Variants in CLMN observed in about 807,000 individuals in gnomAD.
The protein encoded by CLMN is calmin (calponin-like, transmembrane).
In CLMN, 57 loss-of-function variants were observed where a neutral mutation model predicts 92.7. The observed-to-expected ratio is 0.61, with a 90% CI of 0.50 to 0.77. The LOEUF is 0.77. CLMN is among the 30% of genes least tolerant of loss of function. The pLI, the probability that CLMN is intolerant of heterozygous loss-of-function variation, is 0.00. For synonymous variants in CLMN, 466 were observed against 470.6 expected, an observed-to-expected ratio of 0.99 and a Z score of 0.13; for missense variants, 1,158 against 1,237.5, an observed-to-expected ratio of 0.94 and a Z score of 0.96.
Position 95,203,342 on chromosome 14 carries a change from A to ATGAGGACGGGTGGACTTTCTCTTGGCC in CLMN, c.1980_2006dup (p.Pro668_His669insGlnAlaLysArgLysSerThrArgPro). The ATGAGGACGGGTGGACTTTCTCTTGGCC allele has an allele frequency of 1.2e-6, 2 of 1,613,986 alleles. No individual in the cohort carries two copies. Among genetic ancestry groups the ATGAGGACGGGTGGACTTTCTCTTGGCC allele is most frequent in the Non-Finnish European group, 1.7e-6 (2 of 1,179,994 alleles). ...CATCGTCTTCTCCCTCTTCCTCATA[A>ATGAGGACGGGTGGACTTTCTCTTGGCC]TGAGGACGGGTGGACTTTCTCTTGG... On this transcript the variant is annotated inframe_insertion, in exon 9 of 13. Coordinates refer to ENST00000298912, the MANE Select transcript of CLMN (RefSeq NM_024734.4).
rs542037204 is a variant in CLMN, at chr14:95,196,880, G to A, written c.2512-186C>T. 4.6e-5 allele frequency among the ~76,000 whole-genome samples: 7 copies of A among 152,222 alleles called. No individual in the cohort carries two copies. The South Asian group carries it at 8.3e-4, about 18-fold the overall frequency. ...TGAGAGACAAGTCCACCCCAACTCC[G>A]GCCCCTGGTACAGACTTCAAATGCT... On this transcript the variant is annotated intron_variant, in intron 9 of 12. Transcript: ENST00000298912.
intron 9 of CLMN, among the ~76,000 whole-genome samples, chr14:95,198,474 C>A (rs983916194): frequency 4.6e-5 from 7 of 152,158 alleles, no homozygotes; most frequent in Non-Finnish European, 5.9e-5. Flanking sequence ...GTACCCTCCC[C>A]CTACGCTCAC....
intron 1 of CLMN, among the ~76,000 whole-genome samples, chr14:95,271,030 A>G (rs1899688173): frequency 6.6e-6 from 1 of 152,222 alleles, no homozygotes; most frequent in Admixed American, 6.5e-5. Context: ...GCATATCATT[A>G]TTAAGTGGTA....
intron 1 of CLMN, among the ~76,000 whole-genome samples, chr14:95,308,575 C>T (rs1444061229): frequency 6.6e-6 from 1 of 152,122 alleles, no homozygotes; most frequent in East Asian, 1.9e-4. Flanking sequence ...GATAATAATG[C>T]CCACCATCAG....
chr14:95,300,980 A>G lies in CLMN; in HGVS notation c.82+18731T>C, dbSNP rs548999823. On this transcript the variant is annotated intron_variant, in intron 1 of 12. Coordinates refer to ENST00000298912, the MANE Select transcript of CLMN (RefSeq NM_024734.4). ...GGTTGGTTTGACTTGAAAATAGGCA[A>G]TATTTTAGAAAATAGAAATAAAAGT... Among the ~76,000 whole-genome samples the G allele has an allele frequency of 3.9e-5, 6 of 152,332 alleles. No individual in the cohort carries two copies. In the South Asian group the frequency reaches 1.2e-3, roughly 32 times the overall value.
rs1390118407 is a variant in CLMN at position 95,186,693 on chromosome 14, T to C, written c.*4871A>G. On this transcript the variant is annotated 3_prime_UTR_variant, in exon 13 of 13. Transcript: ENST00000298912. ...AATTCTCCTGCCTCATCCTCCTGAG[T>C]AGCTGGGACTATAAGTGTATGCCAC... is the stretch of plus-strand genomic sequence containing the variant. 6.6e-6 allele frequency: 1 copy of C among 152,226 alleles called. No individual in the cohort carries two copies. The highest frequency in any genetic ancestry group is 1.5e-5 in the Non-Finnish European group (1 of 68,056). 9.4% of individuals were successfully genotyped at this position (152,226 alleles called of 1,614,324 possible).
At chr14:95,268,355 C>A in intron 1 of CLMN, among the ~76,000 whole-genome samples, 1 of 147,728 alleles carries the variant, frequency 6.8e-6, no homozygotes, top group South Asian at 2.1e-4. Context: ...TTGGATGTAT[C>A]TGAAGGGAAT....
At chr14:95,223,446 T>G (rs967573563) in intron 3 of CLMN, among the ~76,000 whole-genome samples, 2 of 152,166 alleles carry the variant, frequency 1.3e-5, no homozygotes, top group Non-Finnish European at 1.5e-5. Flanking sequence ...ATTTTTCCAC[T>G]TCTCAGCGAT....
intron 1 of CLMN, among the ~76,000 whole-genome samples, chr14:95,318,508 C>G (rs74079809): frequency 0.059 from 9,043 of 152,182 alleles, 857 homozygotes; most frequent in East Asian, 0.45. Flanking sequence ...AGGAAACATT[C>G]AATCAGGTGT....
intron 1 of CLMN, among the ~76,000 whole-genome samples, chr14:95,273,999 C>A (rs1005162926): frequency 6.6e-6 from 1 of 152,164 alleles, no homozygotes; most frequent in Non-Finnish European, 1.5e-5. Flanking sequence ...ACCTGGCATC[C>A]CCTTCGGTTA....
At chr14:95,240,300 C>T (rs1163706745) in intron 1 of CLMN, among the ~76,000 whole-genome samples, 1 of 152,202 alleles carries the variant, frequency 6.6e-6, no homozygotes, top group Non-Finnish European at 1.5e-5. Flanking sequence ...CTTTCTGGCA[C>T]ACAGCGGTGC....
chr14:95,259,591 C>T lies in CLMN; in HGVS notation c.83-29458G>A, dbSNP rs1478204518. Among the ~76,000 whole-genome samples, 7 of 152,112 alleles carry T rather than the reference C, an allele frequency of 4.6e-5. No individual in the cohort carries two copies. Among genetic ancestry groups the T allele is most frequent in the Admixed American group, 4.6e-4 (7 of 15,274 alleles). On this transcript the variant is annotated intron_variant, in intron 1 of 12. Coordinates refer to ENST00000298912, the MANE Select transcript of CLMN (RefSeq NM_024734.4). This position sits in a 1 kb window ranked among gnomAD's most constrained non-coding sequence, Gnocchi z 4.3. ...ACGAGATCTTGATCTGTTTGGGAATCCTGTTTTTGTGCCTGGTTGGGGGCT... is the reference window on the plus strand; with the variant it reads ...ACGAGATCTTGATCTGTTTGGGAATTCTGTTTTTGTGCCTGGTTGGGGGCT...
rs570048578 is a variant in CLMN, at chr14:95,262,112, A to T, written c.83-31979T>A. ...CCTGGCAAATCAATCTGAACTCTCCACGTGTCTCCCCACATCGTTTGGACA... is the reference window on the plus strand; with the variant it reads ...CCTGGCAAATCAATCTGAACTCTCCTCGTGTCTCCCCACATCGTTTGGACA... On this transcript the variant is annotated intron_variant, in intron 1 of 12. Coordinates refer to ENST00000298912, the MANE Select transcript of CLMN (RefSeq NM_024734.4). 2.0e-5 allele frequency among the ~76,000 whole-genome samples: 3 copies of T among 152,254 alleles called. No individual in the cohort carries two copies. In the South Asian group the frequency reaches 6.2e-4, roughly 32 times the overall value.
chr14:95,274,389 A>G (rs1169686760), intron 1 of CLMN, among the ~76,000 whole-genome samples: 1 of 151,534 alleles, frequency 6.6e-6, no homozygotes, highest in Non-Finnish European at 1.5e-5. Context: ...TCTTATTACC[A>G]CCCCTGCCCA....
At chr14:95,319,013 CA>C (rs1184701575) in intron 1 of CLMN, among the ~76,000 whole-genome samples, 2 of 152,212 alleles carry the variant, frequency 1.3e-5, no homozygotes, top group Non-Finnish European at 2.9e-5. Context: ...CACCTCTTCT[CA>C]GCTACCTCCC....
At chr14:95,243,048 G>C (rs1417914547) in intron 1 of CLMN, among the ~76,000 whole-genome samples, 1 of 152,184 alleles carries the variant, frequency 6.6e-6, no homozygotes, top group Non-Finnish European at 1.5e-5. Flanking sequence ...TGGTGTGAAA[G>C]CTGCCAAAAC....
intron 2 of CLMN, among the ~76,000 whole-genome samples, chr14:95,225,518 G>A (rs1273447320): frequency 1.3e-5 from 2 of 152,252 alleles, no homozygotes; most frequent in Non-Finnish European, 2.9e-5. Context: ...GTGGCATCCT[G>A]CCTGCAGAGC....
At chr14:95,309,039 T>A (rs982708831) in intron 1 of CLMN, among the ~76,000 whole-genome samples, 1 of 152,152 alleles carries the variant, frequency 6.6e-6, no homozygotes, top group African/African-American at 2.4e-5. Flanking sequence ...ATTGTGGGGC[T>A]AATCCCGCGT....
chr14:95,318,379 C>A (rs564025059), intron 1 of CLMN, among the ~76,000 whole-genome samples: 1 of 152,146 alleles, frequency 6.6e-6, no homozygotes, highest in Non-Finnish European at 1.5e-5. Context: ...GAGATCAGAG[C>A]GGCCCAGAGC....
Sources: allele counts gnomAD v4.1 joint callset (sites outside exome capture counted in the v4.1 genomes callset), GRCh38; gene constraint gnomAD v4.1.1; non-coding constraint Gnocchi (gnomAD v3.1); transcripts MANE v1.5; gene names NCBI Gene and HGNC (gene_info 2026-07-23, HGNC 2026-07-21).